The following CALN1 variants were observed in gnomAD, a reference collection of about 807,000 sequenced individuals.
CALN1 encodes calneuron 1, also known as calcium-binding protein 8.
In CALN1, 17 loss-of-function variants were observed where a neutral mutation model predicts 30.6. That is an observed-to-expected ratio of 0.56 (90% CI 0.38 to 0.83). CALN1 has a LOEUF of 0.83. CALN1 is among the 40% of genes least tolerant of loss of function. CALN1 has a pLI of 0.00. For missense variants in CALN1, 291 were observed against 354.9 expected (o/e 0.82, Z 1.45); for synonymous variants, 156 against 131.4 (o/e 1.19, Z -1.28).
Position 71,824,555 on chromosome 7 carries a change from G to C in CALN1, c.502-14063C>G, listed in dbSNP as rs567436796. ...TTGTGAGGCCTTTGCTCCATTTTTC[G>C]TCCCTGACTCATACTGGGACCTGCA... On this transcript the variant is annotated intron_variant, in intron 5 of 6. Transcript: ENST00000395275. 6.2e-4 allele frequency among the ~76,000 whole-genome samples: 95 copies of C among 152,018 alleles called. 3 individuals are homozygous for C. The South Asian group carries it at 0.019, about 31-fold the overall frequency.
intron 3 of CALN1, among the ~76,000 whole-genome samples, chr7:72,250,820 G>A (rs74721693): frequency 0.043 from 6,618 of 152,158 alleles, 207 homozygotes; most frequent in Non-Finnish European, 0.062. Context: ...CACCACGCTC[G>A]TATAGCCTGC....
rs1792682200 is a variant in CALN1 at position 71,780,931 on chromosome 7, A to T, written c.*6844T>A. 1 of 152,202 alleles carries T rather than the reference A, an allele frequency of 6.6e-6. No homozygotes were observed. The highest frequency in any genetic ancestry group is 1.9e-4 in the East Asian group (1 of 5,186). The allele number at this position is 152,202 out of a possible 1,614,324, so 9.4% of individuals were successfully genotyped here. ...CTCATCTTTGATGCTCCCTCGAGTC[A>T]GCAAGTCCTTAGAGAATAAACAAAA... is the stretch of plus-strand genomic sequence containing the variant. On this transcript the variant is annotated 3_prime_UTR_variant, in exon 7 of 7. Transcript: ENST00000395275.
At chr7:72,318,241 C>T (rs1033763855) in intron 2 of CALN1, among the ~76,000 whole-genome samples, 2 of 152,134 alleles carry the variant, frequency 1.3e-5, no homozygotes, top group African/African-American at 2.4e-5. Context: ...CTTGATTTTA[C>T]GTTATTTTCT....
chr7:72,485,914 T>C, the CALN1 span, among the ~76,000 whole-genome samples: 1 of 152,180 alleles, frequency 6.6e-6, no homozygotes, highest in Non-Finnish European at 1.5e-5. Context: ...AATGTAGATA[T>C]ACAGTCATAT....
rs368944976 is a variant in CALN1 at position 72,385,150 on chromosome 7, A to G, written c.119+18101T>C. ...CTAGAACATGTTTTAAAAGACAATA[A>G]TAACTGCTAGCAAAAATGTGAAGCA... On this transcript the variant is annotated intron_variant, in intron 2 of 6. Coordinates refer to ENST00000395275, the MANE Select transcript of CALN1 (RefSeq NM_031468.4). Among the ~76,000 whole-genome samples, 4 of 152,386 alleles carry G rather than the reference A, an allele frequency of 2.6e-5. No individual in the cohort carries two copies. The East Asian group carries it at 5.8e-4, about 22-fold the overall frequency.
At chr7:72,103,856 A>G (rs1806883778) in intron 4 of CALN1, among the ~76,000 whole-genome samples, 1 of 152,162 alleles carries the variant, frequency 6.6e-6, no homozygotes, top group African/African-American at 2.4e-5. Flanking sequence ...ATGACACAGT[A>G]GCTCCAGCTT....
At chr7:72,401,012 C>G (rs570998612) in intron 2 of CALN1, among the ~76,000 whole-genome samples, 2 of 152,238 alleles carry the variant, frequency 1.3e-5, no homozygotes, top group Admixed American at 1.3e-4. Flanking sequence ...AGCGAGGAAA[C>G]AGTGGTGGCT....
chr7:72,445,099 CA>C (rs1808485083), intron 1 of CALN1, among the ~76,000 whole-genome samples: 1 of 134,590 alleles, frequency 7.4e-6, no homozygotes, highest in South Asian at 2.4e-4. Flanking sequence ...CACACACACA[CA>C]CACACAACAT....
At chr7:72,366,312 T>G (rs1803874769) in intron 2 of CALN1, among the ~76,000 whole-genome samples, 1 of 152,112 alleles carries the variant, frequency 6.6e-6, no homozygotes, top group South Asian at 2.1e-4. Context: ...TAGCTGGGAT[T>G]ACAGGTGCAC....
At chr7:72,124,138 A>T (rs933578023) in intron 3 of CALN1, among the ~76,000 whole-genome samples, 4 of 152,158 alleles carry the variant, frequency 2.6e-5, no homozygotes, top group African/African-American at 9.7e-5. Flanking sequence ...AGAGACAGCG[A>T]CCTGGCTCAG....
At chr7:71,846,271 G>T (rs1361385624) in intron 5 of CALN1, among the ~76,000 whole-genome samples, 1 of 152,172 alleles carries the variant, frequency 6.6e-6, no homozygotes, top group Admixed American at 6.5e-5. Context: ...CTTAAGTGAT[G>T]TAATTGTTGC....
At chr7:72,032,583 G>A (rs1385417685) in intron 4 of CALN1, among the ~76,000 whole-genome samples, 1 of 152,196 alleles carries the variant, frequency 6.6e-6, no homozygotes, top group East Asian at 1.9e-4. Context: ...AGGATCTCAA[G>A]CTCTTTTCAA....
chr7:72,418,254 A>G (rs1807488280), intron 1 of CALN1, among the ~76,000 whole-genome samples: 1 of 152,136 alleles, frequency 6.6e-6, no homozygotes, highest in Non-Finnish European at 1.5e-5. Flanking sequence ...TGCTTAGGAT[A>G]ATGGCCTCCA....
chr7:72,176,965 C>A (rs117276737), intron 3 of CALN1, among the ~76,000 whole-genome samples: 134 of 152,244 alleles, frequency 8.8e-4, no homozygotes, highest in Middle Eastern at 3.4e-3. Flanking sequence ...GAAGTTAGCA[C>A]AAACAGTAGC....
At chr7:72,070,305 G>C (rs996928346) in intron 4 of CALN1, among the ~76,000 whole-genome samples, 2 of 152,108 alleles carry the variant, frequency 1.3e-5, no homozygotes, top group African/African-American at 2.4e-5. Flanking sequence ...AGTTGCACTA[G>C]GTCCTCGCTT....
intron 5 of CALN1, among the ~76,000 whole-genome samples, chr7:71,856,171 C>A (rs565472216): frequency 3.3e-5 from 5 of 151,330 alleles, no homozygotes; most frequent in African/African-American, 9.7e-5. Flanking sequence ...TATATACAGC[C>A]CTTGCCTGGG....
intron 2 of CALN1, among the ~76,000 whole-genome samples, chr7:72,376,698 G>A (rs1228284887): frequency 3.3e-5 from 5 of 152,014 alleles, no homozygotes; most frequent in South Asian, 2.1e-4. Flanking sequence ...ATTCACATAC[G>A]TTTTAGATTT....
At chr7:72,056,917 T>G (rs1006597298) in intron 4 of CALN1, among the ~76,000 whole-genome samples, 2 of 152,010 alleles carry the variant, frequency 1.3e-5, no homozygotes, top group African/African-American at 4.8e-5. Context: ...CAGTATGCAA[T>G]GTTATTTCAT....
chr7:72,501,485 GGGAAGGAAGGAAGGAT>G, the CALN1 span, among the ~76,000 whole-genome samples: 433 of 145,344 alleles, frequency 3.0e-3, 2 homozygotes, highest in Non-Finnish European at 3.9e-3. Context: ...GAAGGAAGGA[GGGAAGGAAGGAAGGAT>G]GGAAGGAAGG....
Sources: allele counts gnomAD v4.1 joint callset (sites outside exome capture counted in the v4.1 genomes callset), GRCh38; gene constraint gnomAD v4.1.1; transcripts MANE v1.5; gene names NCBI Gene and HGNC (gene_info 2026-07-23, HGNC 2026-07-21).